The following KLHL29 variants were observed in gnomAD, a reference collection of about 807,000 sequenced individuals.
KLHL29 encodes the protein kelch-like protein 29.
KLHL29 carries 21 observed loss-of-function variants against 80.4 expected under a neutral mutation model. The ratio of observed to expected loss-of-function variants is 0.26; its 90% confidence interval spans 0.19 to 0.38. The LOEUF (loss-of-function observed/expected upper bound fraction) is 0.38, where lower values mean the gene tolerates loss of function less well. Ranked by LOEUF, KLHL29 falls within the 10% of genes least tolerant of loss-of-function variation. KLHL29 has a pLI of 1.00. For missense variants in KLHL29, 867 were observed against 1,223.9 expected, an observed-to-expected ratio of 0.71 and a Z score of 4.35; for synonymous variants, 511 against 526.8, an observed-to-expected ratio of 0.97 and a Z score of 0.41.
At chr2:23,650,417 T>G (rs1001395613) in intron 5 of KLHL29, among the ~76,000 whole-genome samples, 3 of 152,172 alleles carry the variant, frequency 2.0e-5, no homozygotes, top group African/African-American at 7.2e-5. Context: ...TAGGGTCAGC[T>G]AGTGAGTTAA....
chr2:23,704,619 T>C (rs777598447), intron 13 of KLHL29, among the ~76,000 whole-genome samples: 1 of 152,080 alleles, frequency 6.6e-6, no homozygotes, highest in Non-Finnish European at 1.5e-5. Context: ...ATACAAAAAT[T>C]TGCCAGGCGT....
At chr2:23,609,987 G>A (rs572904914) in intron 3 of KLHL29, among the ~76,000 whole-genome samples, 1 of 152,250 alleles carries the variant, frequency 6.6e-6, no homozygotes, top group East Asian at 1.9e-4. Context: ...CCATTACTCA[G>A]GTAGGGAGGG....
intron 5 of KLHL29, among the ~76,000 whole-genome samples, chr2:23,664,813 G>C (rs1558430297): frequency 6.6e-6 from 1 of 151,834 alleles, no homozygotes; most frequent in Non-Finnish European, 1.5e-5. Flanking sequence ...CCACCAACCA[G>C]CCAGGAGGCT....
At chr2:23,648,669 G>T (rs1025919675) in intron 5 of KLHL29, among the ~76,000 whole-genome samples, 3 of 152,166 alleles carry the variant, frequency 2.0e-5, no homozygotes, top group Admixed American at 2.0e-4. Flanking sequence ...GATAATCAGG[G>T]TGCCAGGGAC....
chr2:23,549,973 C>T (rs949399025), intron 2 of KLHL29, among the ~76,000 whole-genome samples: 6 of 152,146 alleles, frequency 3.9e-5, no homozygotes, highest in African/African-American at 1.4e-4. Flanking sequence ...AATGGAACCC[C>T]AGGGAGCTGG....
At chr2:23,489,311 G>A (rs1665027005) in intron 2 of KLHL29, among the ~76,000 whole-genome samples, 1 of 152,134 alleles carries the variant, frequency 6.6e-6, no homozygotes, top group Non-Finnish European at 1.5e-5. Flanking sequence ...GGGATGGATT[G>A]TCTCTGACAC....
chr2:23,591,140 C>CA (rs1668249199), intron 3 of KLHL29, among the ~76,000 whole-genome samples: 1 of 152,154 alleles, frequency 6.6e-6, no homozygotes, highest in Non-Finnish European at 1.5e-5. Flanking sequence ...AAAGACCTGG[C>CA]AAGGTGAGGG....
At position 23,707,453 on chromosome 2, in the gene KLHL29, C is replaced by A. The variant is rs201028215; in HGVS notation, c.*789C>A. The A allele has an allele frequency of 6.6e-6, 1 of 152,156 alleles. No homozygotes were observed. The highest frequency in any genetic ancestry group is 1.9e-4 in the East Asian group (1 of 5,192). 9.4% of individuals were successfully genotyped at this position (152,156 alleles called of 1,614,324 possible). ...CAAGAGGGATAATGTTGTGGGAATT[C>A]CCAAAGCTCTTTGTAGGTAGTGCCA... On this transcript the variant is annotated 3_prime_UTR_variant, in exon 14 of 14. Coordinates refer to ENST00000486442, the MANE Select transcript of KLHL29 (RefSeq NM_052920.2).
intron 3 of KLHL29, among the ~76,000 whole-genome samples, chr2:23,615,824 GC>G (rs1262420201): frequency 2.0e-5 from 3 of 152,170 alleles, no homozygotes; most frequent in Admixed American, 6.5e-5. Context: ...GTTCAGCTGC[GC>G]CAGCCTTCCT....
intron 1 of KLHL29, among the ~76,000 whole-genome samples, chr2:23,432,169 T>C (rs1663200419): frequency 6.6e-6 from 1 of 152,212 alleles, no homozygotes; most frequent in Admixed American, 6.5e-5. Flanking sequence ...TGCTTATGCA[T>C]AGTGGAATCT....
At chr2:23,538,345 T>C (rs7576864) in intron 2 of KLHL29, among the ~76,000 whole-genome samples, 113,741 of 152,196 alleles carry the variant, frequency 0.75, 43,321 homozygotes, top group East Asian at 0.9. Flanking sequence ...GGAAGCCAGA[T>C]GGCATGGGTG....
chr2:23,614,205 C>G (rs1311235525), intron 3 of KLHL29, among the ~76,000 whole-genome samples: 5 of 152,212 alleles, frequency 3.3e-5, no homozygotes, highest in Non-Finnish European at 5.9e-5. Context: ...CAATGTACAT[C>G]TTACATATAT....
rs539607729 is a variant in KLHL29, at chr2:23,385,526, C to T, written c.-408C>T. 3.3e-4 allele frequency: 56 copies of T among 169,352 alleles called. 1 individual carries two copies. The South Asian group carries it at 9.0e-3, about 27-fold the overall frequency. 10.5% of individuals were successfully genotyped at this position (169,352 alleles called of 1,614,324 possible). A position where few individuals can be genotyped will look rare whatever the true frequency, so the allele number is the denominator to read the frequency against. On this transcript the variant is annotated 5_prime_UTR_variant, in exon 1 of 14. Coordinates refer to ENST00000486442, the MANE Select transcript of KLHL29 (RefSeq NM_052920.2). ...CGCACAGGCTGACAGGCAGGAGGAC[C>T]GACTTCCCTCTCCCGGGCATCCTCC...
chr2:23,411,663 GAAATGCAAGCTTGCACTGGA>G (rs1390800394), intron 1 of KLHL29, among the ~76,000 whole-genome samples: 2 of 152,100 alleles, frequency 1.3e-5, no homozygotes, highest in Non-Finnish European at 2.9e-5. Context: ...CTTGCATTGG[GAAATGCAAGCTTGCACTGGA>G]ATCTTAACAG....
rs905281832 is a variant in KLHL29, at chr2:23,696,241, G to A, written c.1925-92G>A. 3.0e-5 allele frequency: 45 copies of A among 1,485,392 alleles called. 1 individual carries two copies. The highest frequency in any genetic ancestry group is 6.3e-5 in the South Asian group (5 of 79,776). The allele number at this position is 1,485,392 out of a possible 1,614,324, so 92.0% of individuals were successfully genotyped here. On this transcript the variant is annotated intron_variant, in intron 10 of 13. Transcript: ENST00000486442. This position sits in a 1 kb window ranked among gnomAD's most constrained non-coding sequence, Gnocchi z 5.5. ...TGGCCCAGAAGTGTCTACTTTGCAG[G>A]TGAAGCCTTCCTCTGCCCCTGGGGC...
chr2:23,632,747 T>C (rs1669502109), intron 3 of KLHL29, among the ~76,000 whole-genome samples: 1 of 152,230 alleles, frequency 6.6e-6, no homozygotes, highest in Admixed American at 6.5e-5. Context: ...TCACCACCAG[T>C]GCTGGGCTGA....
chr2:23,593,630 C>G (rs978487301), intron 3 of KLHL29, among the ~76,000 whole-genome samples: 15 of 152,164 alleles, frequency 9.9e-5, no homozygotes, highest in African/African-American at 3.6e-4. Flanking sequence ...TCAGACCCCT[C>G]GGGGAACGTG....
chr2:23,394,530 G>T (rs1485538028), intron 1 of KLHL29, among the ~76,000 whole-genome samples: 1 of 152,220 alleles, frequency 6.6e-6, no homozygotes, highest in African/African-American at 2.4e-5. Context: ...TATGATGGGT[G>T]CCGGATGGGT....
At chr2:23,472,019 G>A (rs1486240714) in intron 1 of KLHL29, among the ~76,000 whole-genome samples, 2 of 151,722 alleles carry the variant, frequency 1.3e-5, no homozygotes, top group Non-Finnish European at 2.9e-5. Flanking sequence ...CTCCCAGAAA[G>A]GACAATAATG....
Sources: gnomAD v4.1 joint callset for allele counts (sites outside exome capture counted in the v4.1 genomes callset) on GRCh38, gnomAD v4.1.1 for gene constraint, Gnocchi (gnomAD v3.1) non-coding constraint, MANE v1.5 for transcripts, NCBI Gene and HGNC (gene_info 2026-07-23, HGNC 2026-07-21) for gene names.